ROBO2: variants seen among roughly 807,000 people sequenced by gnomAD.
ROBO2 encodes the protein roundabout homolog 2.
Under a neutral mutation model 160.8 loss-of-function variants are expected in ROBO2, and 53 were observed. The observed-to-expected ratio is 0.33, with a 90% CI of 0.26 to 0.41. The LOEUF (loss-of-function observed/expected upper bound fraction) is 0.41, where lower values mean the gene tolerates loss of function less well. ROBO2 is among the 10% of genes least tolerant of loss of function. The pLI, the probability that ROBO2 is intolerant of heterozygous loss-of-function variation, is 1.00. For missense variants in ROBO2, 1,577 were observed against 1,722.4 expected, an observed-to-expected ratio of 0.92 and a Z score of 1.49; for synonymous variants, 664 against 611.7, an observed-to-expected ratio of 1.09 and a Z score of -1.26.
In ROBO2 at chr3:76,434,436, C is replaced by T. The variant is rs72900519; in HGVS notation, c.109+496834C>T. 7,515 of 1,555,404 alleles carry T rather than the reference C, an allele frequency of 4.8e-3. 294 individuals carry two copies. In the African/African-American group the frequency reaches 0.09, roughly 19 times the overall value. The stretch of plus-strand genomic sequence containing the variant: ...CAGGCCCTGGGCTGGGTGGCTATGG[C>T]CCCCAAGCCTGGCACTTATGTGAAA... On this transcript the variant is annotated intron_variant, in intron 2 of 26. Transcript: ENST00000487694.
At chr3:77,191,667 C>T (rs1205347655) in intron 2 of ROBO2, among the ~76,000 whole-genome samples, 1 of 152,150 alleles carries the variant, frequency 6.6e-6, no homozygotes, top group African/African-American at 2.4e-5. Context: ...AAGAACAAAG[C>T]TAATGCTGTT....
chr3:77,028,673 C>A (rs1295516537), intron 2 of ROBO2, among the ~76,000 whole-genome samples: 2 of 152,040 alleles, frequency 1.3e-5, no homozygotes, highest in African/African-American at 2.4e-5. Context: ...GAGCCAAGAT[C>A]GCGTCACTGT....
chr3:76,995,323 C>CCACAATT (rs1412647993), intron 2 of ROBO2, among the ~76,000 whole-genome samples: 2 of 152,100 alleles, frequency 1.3e-5, no homozygotes, highest in Non-Finnish European at 2.9e-5. Flanking sequence ...TGTATATGTG[C>CCACAATT]CACAATTTTC....
chr3:76,034,161 C>G (rs2067020663), intron 2 of ROBO2, among the ~76,000 whole-genome samples: 2 of 152,124 alleles, frequency 1.3e-5, no homozygotes, highest in Non-Finnish European at 2.9e-5. Flanking sequence ...TTTGCAGTGG[C>G]CTTTGAAATG....
intron 2 of ROBO2, among the ~76,000 whole-genome samples, chr3:76,195,472 C>T (rs1013477884): frequency 1.6e-4 from 25 of 152,100 alleles, no homozygotes; most frequent in Non-Finnish European, 1.0e-4. Flanking sequence ...TTGTCAATTT[C>T]ATAGGAATGA....
intron 1 of ROBO2, among the ~76,000 whole-genome samples, chr3:77,049,709 G>GTCC (rs2065028218): frequency 1.3e-5 from 2 of 152,118 alleles, no homozygotes; most frequent in East Asian, 3.9e-4. Context: ...TCTGTTGTAA[G>GTCC]GATTGATGTG....
intron 2 of ROBO2, among the ~76,000 whole-genome samples, chr3:77,283,380 A>T (rs866790489): frequency 3.9e-5 from 6 of 152,186 alleles, no homozygotes; most frequent in Admixed American, 3.9e-4. Flanking sequence ...ATGCGATATC[A>T]AAGAATTTCA....
intron 2 of ROBO2, among the ~76,000 whole-genome samples, chr3:76,982,747 A>G (rs894253051): frequency 5.9e-5 from 9 of 152,180 alleles, no homozygotes; most frequent in Admixed American, 1.3e-4. Context: ...TTTTTAAATG[A>G]CTTCTATACA....
chr3:77,396,433 C>A (rs954154552), intron 2 of ROBO2, among the ~76,000 whole-genome samples: 1 of 152,064 alleles, frequency 6.6e-6, no homozygotes, highest in Admixed American at 6.6e-5. Flanking sequence ...AGAGTGAATA[C>A]GTGAAACACT....
intron 2 of ROBO2, among the ~76,000 whole-genome samples, chr3:76,720,188 CAAG>C (rs1165065015): frequency 6.6e-6 from 1 of 152,092 alleles, no homozygotes; most frequent in Non-Finnish European, 1.5e-5. Flanking sequence ...GAGGATACAG[CAAG>C]AAGAGGGTTG....
chr3:77,289,513 T>C (rs7636820), intron 2 of ROBO2, among the ~76,000 whole-genome samples: 139,334 of 150,698 alleles, frequency 0.92, 65,098 homozygotes, highest in East Asian at 1. Flanking sequence ...GACGGTTCAA[T>C]GGGTAAGCTG....
intron 2 of ROBO2, among the ~76,000 whole-genome samples, chr3:76,306,642 C>T (rs2071350595): frequency 6.6e-6 from 1 of 152,066 alleles, no homozygotes; most frequent in African/African-American, 2.4e-5. Flanking sequence ...GGAATAATTT[C>T]CCATTATTCT....
chr3:77,428,511 C>A (rs1468090623), intron 2 of ROBO2, among the ~76,000 whole-genome samples: 1 of 150,790 alleles, frequency 6.6e-6, no homozygotes, highest in Non-Finnish European at 1.5e-5. Flanking sequence ...CACCCGCCAC[C>A]GCGCCCGGCT....
At chr3:76,740,030 T>C (rs77428139) in intron 2 of ROBO2, among the ~76,000 whole-genome samples, 1 of 152,326 alleles carries the variant, frequency 6.6e-6, no homozygotes, top group Non-Finnish European at 1.5e-5. Context: ...TTTTTGCCTA[T>C]ATAACACTGT....
chr3:76,260,613 AAT>A (rs1359923109), intron 2 of ROBO2, among the ~76,000 whole-genome samples: 1 of 152,148 alleles, frequency 6.6e-6, no homozygotes, highest in Admixed American at 6.5e-5. Context: ...GATAGTGTCA[AAT>A]ATATGTTTCT....
chr3:77,312,391 C>A (rs1213306094), intron 2 of ROBO2, among the ~76,000 whole-genome samples: 1 of 152,132 alleles, frequency 6.6e-6, no homozygotes, highest in Non-Finnish European at 1.5e-5. Flanking sequence ...TATTTGGAAG[C>A]ATTTTATGAA....
chr3:76,005,052 A>T (rs996444011), intron 2 of ROBO2, among the ~76,000 whole-genome samples: 1 of 152,152 alleles, frequency 6.6e-6, no homozygotes, highest in African/African-American at 2.4e-5. Flanking sequence ...TTGCTGTCTC[A>T]CCTTCCACCA....
intron 13 of ROBO2, among the ~76,000 whole-genome samples, chr3:77,573,954 T>G (rs749552592): frequency 6.6e-6 from 1 of 151,968 alleles, no homozygotes; most frequent in Non-Finnish European, 1.5e-5. Flanking sequence ...GGGCAGGGGC[T>G]GACTCTATTT....
chr3:76,037,103 T>C (rs945335280), intron 2 of ROBO2, among the ~76,000 whole-genome samples: 2 of 151,968 alleles, frequency 1.3e-5, no homozygotes, highest in Non-Finnish European at 2.9e-5. Flanking sequence ...TGTATATCAA[T>C]AGGCCTTTGA....
Sources: gnomAD v4.1 joint callset for allele counts (sites outside exome capture counted in the v4.1 genomes callset) on GRCh38, gnomAD v4.1.1 for gene constraint, MANE v1.5 for transcripts, NCBI Gene and HGNC (gene_info 2026-07-23, HGNC 2026-07-21) for gene names.